The following NCKAP5 variants were observed in gnomAD, a reference collection of about 807,000 sequenced individuals.
NCKAP5 encodes the protein NCK associated protein 5.
NCKAP5 carries 92 observed loss-of-function variants against 167.0 expected under a neutral mutation model. That is an observed-to-expected ratio of 0.55 (90% CI 0.47 to 0.66). NCKAP5 has a LOEUF of 0.66. NCKAP5 is among the 30% of genes least tolerant of loss of function. The pLI, the probability that NCKAP5 is intolerant of heterozygous loss-of-function variation, is 0.00. For synonymous variants in NCKAP5, 891 were observed against 877.4 expected, an observed-to-expected ratio of 1.02 and a Z score of -0.27; for missense variants, 2,378 against 2,315.0, an observed-to-expected ratio of 1.03 and a Z score of -0.56.
chr2:132,876,530 A>G (rs943809063), intron 9 of NCKAP5, among the ~76,000 whole-genome samples: 3 of 152,236 alleles, frequency 2.0e-5, no homozygotes, highest in African/African-American at 7.2e-5. Flanking sequence ...AAGAATTTCC[A>G]GTTGGCATTA....
At chr2:133,481,006 A>G (rs904087205) in intron 3 of NCKAP5, among the ~76,000 whole-genome samples, 4 of 152,188 alleles carry the variant, frequency 2.6e-5, no homozygotes, top group African/African-American at 9.6e-5. Context: ...CTTGCCACCA[A>G]AAAACCCGAA....
intron 2 of NCKAP5, among the ~76,000 whole-genome samples, chr2:133,550,443 A>G (rs1428248715): frequency 2.0e-5 from 3 of 151,904 alleles, no homozygotes; most frequent in Non-Finnish European, 4.4e-5. Context: ...CTGGTTCAAT[A>G]TATGCAAATC....
intron 8 of NCKAP5, among the ~76,000 whole-genome samples, chr2:132,911,982 G>C (rs1020840791): frequency 2.0e-5 from 3 of 152,182 alleles, no homozygotes; most frequent in Non-Finnish European, 4.4e-5. Flanking sequence ...AGGAGCCTGT[G>C]AGCTGGGGAT....
chr2:133,500,467 C>T (rs147132848), intron 3 of NCKAP5, among the ~76,000 whole-genome samples: 149 of 152,274 alleles, frequency 9.8e-4, no homozygotes, highest in African/African-American at 3.5e-3. Flanking sequence ...AGGGACAAAG[C>T]ACATGGGAGG....
At chr2:133,109,444 C>A (rs958907748) in intron 6 of NCKAP5, among the ~76,000 whole-genome samples, 4 of 152,112 alleles carry the variant, frequency 2.6e-5, no homozygotes, top group Admixed American at 1.3e-4. Context: ...TTATATTTCC[C>A]ATGTGGCTTG....
At chr2:133,655,712 G>A in the NCKAP5 span, among the ~76,000 whole-genome samples, 1 of 152,214 alleles carries the variant, frequency 6.6e-6, no homozygotes, top group Non-Finnish European at 1.5e-5. Context: ...CTAACAGGGA[G>A]AATTGCACCA....
At chr2:133,384,080 T>G (rs2150959780) in intron 3 of NCKAP5, among the ~76,000 whole-genome samples, 1 of 152,344 alleles carries the variant, frequency 6.6e-6, no homozygotes, top group African/African-American at 2.4e-5. Flanking sequence ...ATTTGTCAAT[T>G]TTGACTTTTG....
At chr2:133,668,039 C>T in the NCKAP5 span, among the ~76,000 whole-genome samples, 2 of 151,964 alleles carry the variant, frequency 1.3e-5, no homozygotes, top group Non-Finnish European at 2.9e-5. Context: ...CAATATGTGA[C>T]CTCTTACATT....
chr2:133,203,637 C>T (rs1303593382), intron 5 of NCKAP5, among the ~76,000 whole-genome samples: 3 of 152,124 alleles, frequency 2.0e-5, no homozygotes, highest in Non-Finnish European at 1.5e-5. Flanking sequence ...AGAATGCTAT[C>T]TCTGCCTCCG....
intron 5 of NCKAP5, among the ~76,000 whole-genome samples, chr2:133,143,165 A>C (rs1364066940): frequency 6.6e-6 from 1 of 151,920 alleles, no homozygotes. Context: ...ATAGGCTAAG[A>C]CTCTATTTAT....
chr2:133,084,511 G>A (rs1265822508), intron 6 of NCKAP5, among the ~76,000 whole-genome samples: 2 of 152,102 alleles, frequency 1.3e-5, no homozygotes, highest in African/African-American at 2.4e-5. Flanking sequence ...CATATATGGT[G>A]GGCTTGATTT....
At chr2:133,592,354 A>G in the NCKAP5 span, among the ~76,000 whole-genome samples, 20 of 152,368 alleles carry the variant, frequency 1.3e-4, no homozygotes, top group African/African-American at 4.6e-4. Flanking sequence ...ATTTATTTAT[A>G]TAACACCTAA....
intron 7 of NCKAP5, among the ~76,000 whole-genome samples, chr2:132,974,451 T>G (rs967124801): frequency 1.3e-5 from 2 of 152,184 alleles, no homozygotes; most frequent in Non-Finnish European, 2.9e-5. Flanking sequence ...AGACATACAA[T>G]TTTACATATG....
intron 17 of NCKAP5, among the ~76,000 whole-genome samples, chr2:132,730,427 G>A (rs1690882879): frequency 6.6e-6 from 1 of 152,198 alleles, no homozygotes. Flanking sequence ...TCCAGGAAGT[G>A]GAGGTTGCAG....
At chr2:133,512,470 T>A (rs1365007450) in intron 3 of NCKAP5, among the ~76,000 whole-genome samples, 1 of 152,184 alleles carries the variant, frequency 6.6e-6, no homozygotes, top group Non-Finnish European at 1.5e-5. Context: ...AATTAAAGTG[T>A]TTTTGTAAAT....
chr2:133,549,197 C>G (rs1456701203), intron 2 of NCKAP5, among the ~76,000 whole-genome samples: 1 of 151,732 alleles, frequency 6.6e-6, no homozygotes, highest in Admixed American at 6.6e-5. Flanking sequence ...AATATATATG[C>G]ACCCAATACA....
chr2:132,920,718 TG>T (rs1695281091), intron 8 of NCKAP5, among the ~76,000 whole-genome samples: 1 of 94,008 alleles, frequency 1.1e-5, no homozygotes, highest in Non-Finnish European at 1.9e-5. Flanking sequence ...TGTATATATA[TG>T]TATATATATA....
chr2:133,087,613 T>C lies in NCKAP5; in HGVS notation c.341+42365A>G, dbSNP rs558049123. Among the ~76,000 whole-genome samples the C allele has an allele frequency of 6.6e-5, 10 of 152,364 alleles. 1 individual carries two copies. The South Asian group carries it at 1.4e-3, about 22-fold the overall frequency. On this transcript the variant is annotated intron_variant, in intron 6 of 19. Transcript: ENST00000409261. ...CTCCAAACATTTATGCCTCTTGGTG[T>C]GCTAGCCATTTATTTTGACAGTGGG...
intron 3 of NCKAP5, among the ~76,000 whole-genome samples, chr2:133,414,317 A>G (rs1194283416): frequency 6.6e-6 from 1 of 152,176 alleles, no homozygotes; most frequent in African/African-American, 2.4e-5. Context: ...GCCATTCCAA[A>G]TGGAGTCTGT....
Sources: allele counts gnomAD v4.1 joint callset (sites outside exome capture counted in the v4.1 genomes callset), GRCh38; gene constraint gnomAD v4.1.1; transcripts MANE v1.5; gene names NCBI Gene and HGNC (gene_info 2026-07-23, HGNC 2026-07-21).